The following GP6 variants were observed in gnomAD, a reference collection of about 807,000 sequenced individuals.
GP6 encodes platelet glycoprotein VI.
A neutral mutation model predicts 37.3 loss-of-function variants in GP6; 45 were observed. That is an observed-to-expected ratio of 1.21 (90% CI 0.95 to 1.55). The LOEUF (loss-of-function observed/expected upper bound fraction) is 1.55, where lower values mean the gene tolerates loss of function less well. Among genes scored for constraint, GP6 ranks in the 40% most tolerant of loss-of-function variants. The pLI is 0.00. For missense variants in GP6, 813 were observed against 760.2 expected (o/e 1.07, Z -0.82); for synonymous variants, 340 against 316.4 (o/e 1.07, Z -0.79).
At chr19:55,026,446 G>GAGAC (rs1568619233) in intron 4 of GP6, among the ~76,000 whole-genome samples, 1 of 151,608 alleles carries the variant, frequency 6.6e-6, no homozygotes, top group Non-Finnish European at 1.5e-5. Context: ...TTGTCCTTTT[G>GAGAC]TGACTGACTT....
intron 6 of GP6, among the ~76,000 whole-genome samples, chr19:55,017,585 G>A (rs1200220937): frequency 6.6e-6 from 1 of 152,102 alleles, no homozygotes; most frequent in African/African-American, 2.4e-5. Flanking sequence ...GAAGCCTCCA[G>A]GAGAGCTTCA....
chr19:55,028,284 G>A (rs913302162), intron 3 of GP6, among the ~76,000 whole-genome samples: 6 of 152,188 alleles, frequency 3.9e-5, no homozygotes, highest in African/African-American at 1.2e-4. Flanking sequence ...CAATTGTTAC[G>A]TTGTAAATGT....
intron 3 of GP6, among the ~76,000 whole-genome samples, chr19:55,031,197 A>C (rs1276684703): frequency 6.6e-6 from 1 of 152,128 alleles, no homozygotes; most frequent in Admixed American, 6.6e-5. Context: ...ACATGAGGGG[A>C]TCCTGGGTGA....
chr19:55,014,744 C>G lies in GP6; in HGVS notation c.1201G>C (p.Val401Leu). The G allele has an allele frequency of 6.2e-7, 1 of 1,613,900 alleles. No individual in the cohort carries two copies. Among genetic ancestry groups the G allele is most frequent in the Non-Finnish European group, 8.5e-7 (1 of 1,179,966 alleles). The stretch of plus-strand genomic sequence containing the variant: ...GCCCTCAGACAGAGAGGCAGACAGA[C>G]AGACAGACACTGGCCGAACGGCTCC... The change falls in exon 8 of 8, where the codon GTC (valine) becomes CTC (leucine). Residue 401 changes from valine (V) to leucine (L), a missense_variant. Coordinates refer to ENST00000310373, the MANE Select transcript of GP6 (RefSeq NM_001083899.2).
At chr19:55,024,342 G>GCACGCATGCACA (rs2074217497) in intron 5 of GP6, among the ~76,000 whole-genome samples, 1 of 17,914 alleles carries the variant, frequency 5.6e-5, no homozygotes, top group Non-Finnish European at 1.5e-4. Flanking sequence ...ACGCACACAC[G>GCACGCATGCACA]CACATGCACG....
chr19:55,018,774 T>C, intron 5 of GP6, 63 bp from the exon 6 acceptor site: 3 of 1,077,460 alleles, frequency 2.8e-6, no homozygotes, highest in Non-Finnish European at 2.9e-6. Flanking sequence ...GATATCTCCA[T>C]TCCCCTTTTG....
intron 3 of GP6, among the ~76,000 whole-genome samples, chr19:55,030,424 C>T (rs1411967908): frequency 2.0e-5 from 3 of 152,162 alleles, no homozygotes; most frequent in South Asian, 2.1e-4. Flanking sequence ...CTCGGCTCAC[C>T]GCCTCCCAGG....
chr19:55,025,304 T>C, intron 4 of GP6, 33 bp from the exon 5 acceptor site: 1 of 1,392,594 alleles, frequency 7.2e-7, no homozygotes, highest in Non-Finnish European at 1.0e-6. Flanking sequence ...AAATCTGTGC[T>C]CTGTCGCTGT....
intron 3 of GP6, among the ~76,000 whole-genome samples, chr19:55,028,423 A>G (rs1005095800): frequency 6.6e-6 from 1 of 152,220 alleles, no homozygotes; most frequent in African/African-American, 2.4e-5. Context: ...GGCACATGGC[A>G]TTAAATAATT....
In GP6 at chr19:55,014,924, T is replaced by C; in HGVS notation, c.1021A>G (p.Met341Val). 1 of 1,613,684 alleles carries C rather than the reference T, an allele frequency of 6.2e-7. No homozygotes were observed. Among genetic ancestry groups the C allele is most frequent in the Non-Finnish European group, 8.5e-7 (1 of 1,179,990 alleles). The change falls in exon 8 of 8, where the codon ATG becomes GTG. Residue 341 changes from methionine (M) to valine (V), a missense_variant. Transcript: ENST00000310373. Reference sequence around the variant, plus strand: ...GACCGTGCCTGGGGTTCAGCGGTCATGAACATAACCCGCGGCTGTGAACAT... The same window carrying C: ...GACCGTGCCTGGGGTTCAGCGGTCACGAACATAACCCGCGGCTGTGAACAT...
intron 7 of GP6, 145 bp from the exon 8 acceptor site, chr19:55,015,310 C>A: frequency 3.0e-6 from 4 of 1,320,054 alleles, no homozygotes; most frequent in Non-Finnish European, 4.2e-6. Flanking sequence ...CCTCCCTTCC[C>A]GAGTAGGGGT....
At chr19:55,025,579 A>C (rs942483685) in intron 4 of GP6, among the ~76,000 whole-genome samples, 3 of 151,920 alleles carry the variant, frequency 2.0e-5, no homozygotes, top group Admixed American at 2.0e-4. Context: ...GGTGGTGTGC[A>C]CCTGTAATCC....
chr19:55,036,455 T>C (rs1158447993), intron 1 of GP6, among the ~76,000 whole-genome samples: 3 of 151,750 alleles, frequency 2.0e-5, no homozygotes, highest in East Asian at 1.9e-4. Context: ...CCCCAACACT[T>C]TGGGAGGCCG....
Position 55,032,513 on chromosome 19 carries a change from C to G in GP6, c.60G>C (p.Ala20=). 6.2e-7 allele frequency: 1 copy of G among 1,613,834 alleles called. No homozygotes were observed. Among genetic ancestry groups the G allele is most frequent in the Non-Finnish European group, 8.5e-7 (1 of 1,179,992 alleles). The change falls in exon 2 of 8, where the codon GCG becomes GCC. Residue 20 remains alanine, a synonymous_variant. Coordinates refer to ENST00000310373, the MANE Select transcript of GP6 (RefSeq NM_001083899.2). ...GTCTGGGGAAGGACTCACCACTCTGCGCTGGCACACGCCCCAGACACAGCC... is the reference window on the plus strand; with the variant it reads ...GTCTGGGGAAGGACTCACCACTCTGGGCTGGCACACGCCCCAGACACAGCC...
intron 6 of GP6, among the ~76,000 whole-genome samples, chr19:55,016,719 C>T (rs1193580290): frequency 6.6e-6 from 1 of 151,872 alleles, no homozygotes; most frequent in African/African-American, 2.4e-5. Context: ...TCGCCAGGTA[C>T]TCAGCCATGT....
chr19:55,034,150 A>ATGTGTGTG (rs61435060), intron 1 of GP6, among the ~76,000 whole-genome samples: 12,804 of 149,116 alleles, frequency 0.086, 659 homozygotes, highest in African/African-American at 0.15. Flanking sequence ...ATATGTATGC[A>ATGTGTGTG]TGTGTGTGTG....
intron 5 of GP6, among the ~76,000 whole-genome samples, chr19:55,019,806 T>C (rs1373160993): frequency 6.6e-6 from 1 of 151,046 alleles, no homozygotes; most frequent in Non-Finnish European, 1.5e-5. Context: ...GCCTCCCGAG[T>C]AGCTGGGACT....
At position 55,032,185 on chromosome 19, in the gene GP6, TC is replaced by T. The variant is rs1321226182; in HGVS notation, c.278del (p.Gly93GlufsTer38). 1.3e-5 allele frequency: 21 copies of T among 1,613,810 alleles called. No homozygotes were observed. The highest frequency in any genetic ancestry group is 1.8e-5 in the Non-Finnish European group (21 of 1,179,854). ...GGTCGCTGGGCAGGGACCAGAGGCT[TC>T]CGTTCTGGTAGGAGCAGCGGTAGCG... On this transcript the variant is annotated frameshift_variant, in exon 3 of 8. Coordinates refer to ENST00000310373, the MANE Select transcript of GP6 (RefSeq NM_001083899.2). LOFTEE classifies it high-confidence loss of function.
At chr19:55,021,915 G>C (rs2074102871) in intron 5 of GP6, among the ~76,000 whole-genome samples, 1 of 152,028 alleles carries the variant, frequency 6.6e-6, no homozygotes, top group South Asian at 2.1e-4. Flanking sequence ...GTGATGTTGA[G>C]CTTTTTTTTG....
Sources: gnomAD v4.1 joint callset for allele counts (sites outside exome capture counted in the v4.1 genomes callset) on GRCh38, gnomAD v4.1.1 for gene constraint, MANE v1.5 for transcripts, NCBI Gene and HGNC (gene_info 2026-07-23, HGNC 2026-07-21) for gene names.